The following GJA4 variants were observed in gnomAD, a reference collection of about 807,000 sequenced individuals.
The protein encoded by GJA4 is gap junction alpha-4 protein.
Under a neutral mutation model 25.1 loss-of-function variants are expected in GJA4, and 13 were observed. The observed-to-expected ratio is 0.52, with a 90% CI of 0.34 to 0.82. The LOEUF (loss-of-function observed/expected upper bound fraction) is 0.82. Among genes scored for constraint, GJA4 ranks in the 40% least tolerant of loss-of-function variants. GJA4 has a pLI of 0.02. For missense variants in GJA4, 357 were observed against 443.5 expected, an observed-to-expected ratio of 0.80 and a Z score of 1.75; for synonymous variants, 167 against 193.9, an observed-to-expected ratio of 0.86 and a Z score of 1.15.
chr1:34,794,626 C>T lies in GJA4; in HGVS notation c.413C>T (p.Ser138Leu), dbSNP rs1341828138. ...AAVERQMAKI[S>L]VAEDGRLRIR... is the part of the protein sequence containing the mutation. Reference sequence around the variant, plus strand: ...GTAGAGCGTCAGATGGCCAAGATCTCGGTGGCAGAAGATGGTCGCCTGCGC... The same window carrying T: ...GTAGAGCGTCAGATGGCCAAGATCTTGGTGGCAGAAGATGGTCGCCTGCGC... Residue 138 changes from serine to leucine, a missense_variant, in exon 2 of 2, where the codon TCG becomes TTG. Transcript: ENST00000342280. The surrounding 1 kb of genome is among the most constrained non-coding windows in gnomAD (Gnocchi z 7.8). The T allele has an allele frequency of 6.9e-6, 11 of 1,605,454 alleles. No individual in the cohort carries two copies. The African/African-American group carries it at 8.0e-5, about 12-fold the overall frequency.
rs148025626 is a variant in GJA4, at chr1:34,795,023, C to A, written c.810C>A (p.Gly270=). The A allele has an allele frequency of 7.4e-6, 12 of 1,612,830 alleles. No homozygotes were observed. In the South Asian group the frequency reaches 1.2e-4, roughly 16 times the overall value. ...AGGTCTTCTTCTACCTCCCCGTGGG[C>A]CAGGGGCCCTCATCCCCACCATGCC... is the stretch of plus-strand genomic sequence containing the variant. The part of the protein sequence containing the change: ...TDQVFFYLPV[G]QGPSSPPCPT... Residue 270 remains glycine, a synonymous_variant, in exon 2 of 2, where the codon GGC becomes GGA. Coordinates refer to ENST00000342280, the MANE Select transcript of GJA4 (RefSeq NM_002060.3).
Position 34,794,206 on chromosome 1 carries a change from CG to C in GJA4, c.-5del, listed in dbSNP as rs1557662617. ...CTCTGTCTCCTTGCAGACGGAGGCC[CG>C]GGAGCCATGGGTGACTGGGGCTTCC... On this transcript the variant is annotated 5_prime_UTR_variant, in exon 2 of 2. Coordinates refer to ENST00000342280, the MANE Select transcript of GJA4 (RefSeq NM_002060.3). This position sits in a 1 kb window ranked among gnomAD's most constrained non-coding sequence, Gnocchi z 7.8. The C allele has an allele frequency of 2.5e-6, 4 of 1,612,360 alleles. No individual in the cohort carries two copies. Among genetic ancestry groups the C allele is most frequent in the Non-Finnish European group, 3.4e-6 (4 of 1,178,960 alleles).
At chr1:34,793,678 C>T (rs1640224208) in intron 1 of GJA4, among the ~76,000 whole-genome samples, 1 of 152,138 alleles carries the variant, frequency 6.6e-6, no homozygotes, top group Admixed American at 6.5e-5. Context: ...GTGAAGCCAG[C>T]TGGGTAAGAT....
chr1:34,794,833 C>A lies in GJA4; in HGVS notation c.620C>A (p.Thr207Asn). The change falls in exon 2 of 2, where the codon ACC becomes AAC. Residue 207 changes from threonine (T) to asparagine (N), a missense_variant. By Grantham distance (65) the Thr-to-Asn change is moderately conservative (BLOSUM62 0). Around this residue, in one of 2 missense-constraint regions of GJA4, gnomAD observed 278 missense variants for 298.1 expected, o/e 0.93. Coordinates refer to ENST00000342280, the MANE Select transcript of GJA4 (RefSeq NM_002060.3). This position sits in a 1 kb window ranked among gnomAD's most constrained non-coding sequence, Gnocchi z 7.8. ...TTTGTCTCTCGCCCCACGGAGAAGA[C>A]CATCTTCATCATCTTCATGTTGGTG... Reference protein sequence around the residue: ...DCFVSRPTEKTIFIIFMLVVG... With the variant: ...DCFVSRPTEKNIFIIFMLVVG... 1 of 1,614,100 alleles carries A rather than the reference C, an allele frequency of 6.2e-7. No homozygotes were observed.
rs189790684 is a variant in GJA4 at position 34,795,361 on chromosome 1, G to A, written c.*146G>A. 1.6e-5 allele frequency: 10 copies of A among 618,628 alleles called. No individual in the cohort carries two copies. The highest frequency in any genetic ancestry group is 1.5e-4 in the African/African-American group (8 of 54,420). The allele number at this position is 618,628 out of a possible 1,614,324, so 38.3% of individuals were successfully genotyped here. On this transcript the variant is annotated 3_prime_UTR_variant, in exon 2 of 2. Coordinates refer to ENST00000342280, the MANE Select transcript of GJA4 (RefSeq NM_002060.3). ...TGGCCATGGAGCCTCATTGCAAGTT[G>A]TTCTTGAACACCTGAGGCCTTCCTG...
chr1:34,794,117 C>T lies in GJA4; in HGVS notation c.-17-80C>T. ...TTCTTTGTAGGTAGAACGGGCGTGGCAGACCTCCCTGCAGGCTTGTTGCTG... is the reference window on the plus strand; with the variant it reads ...TTCTTTGTAGGTAGAACGGGCGTGGTAGACCTCCCTGCAGGCTTGTTGCTG... On this transcript the variant is annotated intron_variant, in intron 1 of 1. Transcript: ENST00000342280. This position sits in a 1 kb window ranked among gnomAD's most constrained non-coding sequence, Gnocchi z 7.8. 8.7e-7 allele frequency: 1 copy of T among 1,150,340 alleles called. No homozygotes were observed. The highest frequency in any genetic ancestry group is 2.5e-4 in the Middle Eastern group (1 of 4,056). The allele number at this position is 1,150,340 out of a possible 1,614,324, so 71.3% of individuals were successfully genotyped here.
Position 34,794,672 on chromosome 1 carries a change from C to A in GJA4, c.459C>A (p.Gly153=). 6.2e-7 allele frequency: 1 copy of A among 1,610,680 alleles called. No individual in the cohort carries two copies. Among genetic ancestry groups the A allele is most frequent in the Non-Finnish European group, 8.5e-7 (1 of 1,179,980 alleles). The change falls in exon 2 of 2, where the codon GGC becomes GGA. Residue 153 remains glycine (G), a synonymous_variant. Coordinates refer to ENST00000342280, the MANE Select transcript of GJA4 (RefSeq NM_002060.3). This position sits in a 1 kb window ranked among gnomAD's most constrained non-coding sequence, Gnocchi z 7.8. ...TGCGCATCCGCGGAGCACTGATGGGCACCTATGTCGCCAGTGTGCTCTGCA... is the reference window on the plus strand; with the variant it reads ...TGCGCATCCGCGGAGCACTGATGGGAACCTATGTCGCCAGTGTGCTCTGCA... The part of the protein sequence containing the change: ...GRLRIRGALM[G]TYVASVLCKS...
In GJA4 at chr1:34,795,536, A is replaced by G. The variant is rs1449743960; in HGVS notation, c.*321A>G. 6.7e-6 allele frequency: 2 copies of G among 298,464 alleles called. No individual in the cohort carries two copies. Among genetic ancestry groups the G allele is most frequent in the Non-Finnish European group, 1.3e-5 (2 of 151,668 alleles). 18.5% of individuals were successfully genotyped at this position (298,464 alleles called of 1,614,324 possible). On this transcript the variant is annotated 3_prime_UTR_variant, in exon 2 of 2. Transcript: ENST00000342280. ...AGGAACCCAGAGCCAACTTACCCCA[A>G]CCTCACCCTATGGAACAGTCACCTG...
At position 34,794,385 on chromosome 1, in the gene GJA4, C is replaced by T; in HGVS notation, c.172C>T (p.Gln58Ter). 2 of 1,614,216 alleles carry T rather than the reference C, an allele frequency of 1.2e-6. No individual in the cohort carries two copies. The highest frequency in any genetic ancestry group is 2.2e-5 in the South Asian group (2 of 91,086). ...EQSDFECNTAQPGCTNVCYDQ... is the reference protein window; with the variant it reads ...EQSDFECNTA Reference sequence around the variant, plus strand: ...ATCAGATTTCGAGTGTAACACGGCCCAGCCAGGCTGCACCAACGTCTGCTA... The same window carrying T: ...ATCAGATTTCGAGTGTAACACGGCCTAGCCAGGCTGCACCAACGTCTGCTA... Residue 58 changes from glutamine to a stop codon, truncating the protein, a stop_gained, in exon 2 of 2, where the codon CAG becomes TAG. Coordinates refer to ENST00000342280, the MANE Select transcript of GJA4 (RefSeq NM_002060.3). LOFTEE classifies it high-confidence loss of function. The surrounding 1 kb of genome is among the most constrained non-coding windows in gnomAD (Gnocchi z 7.8).
In GJA4 at chr1:34,794,087, T is replaced by C; in HGVS notation, c.-17-110T>C. ...GGCCAGTCCTTCCCCTTCCTGAGCC[T>C]GGGTTTCTTTGTAGGTAGAACGGGC... On this transcript the variant is annotated intron_variant, in intron 1 of 1. Coordinates refer to ENST00000342280, the MANE Select transcript of GJA4 (RefSeq NM_002060.3). This position sits in a 1 kb window ranked among gnomAD's most constrained non-coding sequence, Gnocchi z 7.8. 1.2e-6 allele frequency: 1 copy of C among 852,020 alleles called. No homozygotes were observed. The highest frequency in any genetic ancestry group is 1.8e-6 in the Non-Finnish European group (1 of 553,582). The allele number at this position is 852,020 out of a possible 1,614,324, so 52.8% of individuals were successfully genotyped here. A position where few individuals can be genotyped will look rare whatever the true frequency, so the allele number is the denominator to read the frequency against.
Position 34,793,059 on chromosome 1 carries a change from C to A in GJA4, c.-27C>A. On this transcript the variant is annotated 5_prime_UTR_variant, in exon 1 of 2. Coordinates refer to ENST00000342280, the MANE Select transcript of GJA4 (RefSeq NM_002060.3). Reference sequence around the variant, plus strand: ...CCCCACCTCCACCTGGGCCGCCCGGCAGGCAGGCGGTGAGTCGGGGGCTAG... The same window carrying A: ...CCCCACCTCCACCTGGGCCGCCCGGAAGGCAGGCGGTGAGTCGGGGGCTAG... 1 of 338,604 alleles carries A rather than the reference C, an allele frequency of 3.0e-6. No homozygotes were observed. The allele number at this position is 338,604 out of a possible 1,614,324, so 21.0% of individuals were successfully genotyped here.
At chr1:34,793,779 G>C (rs1424956209) in intron 1 of GJA4, among the ~76,000 whole-genome samples, 3 of 152,180 alleles carry the variant, frequency 2.0e-5, no homozygotes, top group Non-Finnish European at 4.4e-5. Flanking sequence ...CACTGTCTGG[G>C]GGTAGCCAGC....
chr1:34,793,178 C>A (rs1640212331), intron 1 of GJA4, 110 bp downstream of exon 1: 1 of 252,676 alleles, frequency 4.0e-6, no homozygotes, highest in Middle Eastern at 1.5e-3. Context: ...ACGCCCGCCG[C>A]GACAGAGCCG....
rs769143037 is a variant in GJA4, at chr1:34,794,600, C to T, written c.387C>T (p.Ala129=). 8.1e-6 allele frequency: 13 copies of T among 1,605,840 alleles called. No individual in the cohort carries two copies. The highest frequency in any genetic ancestry group is 2.2e-5 in the South Asian group (2 of 91,050). The change falls in exon 2 of 2, where the codon GCC becomes GCT. Residue 129 remains alanine (A), a synonymous_variant. Coordinates refer to ENST00000342280, the MANE Select transcript of GJA4 (RefSeq NM_002060.3). This position sits in a 1 kb window ranked among gnomAD's most constrained non-coding sequence, Gnocchi z 7.8. ...CACAGGTGGAGCGGGCGCTGGCGGC[C>T]GTAGAGCGTCAGATGGCCAAGATCT... ...KDPQVERALA[A]VERQMAKISV... is the part of the protein sequence containing the mutation.
chr1:34,794,205 C>T lies in GJA4; in HGVS notation c.-9C>T. On this transcript the variant is annotated 5_prime_UTR_variant, in exon 2 of 2. Transcript: ENST00000342280. The surrounding 1 kb of genome is among the most constrained non-coding windows in gnomAD (Gnocchi z 7.8). ...GCTCTGTCTCCTTGCAGACGGAGGC[C>T]CGGGAGCCATGGGTGACTGGGGCTT... 6.2e-7 allele frequency: 1 copy of T among 1,612,422 alleles called. No individual in the cohort carries two copies. The highest frequency in any genetic ancestry group is 2.2e-5 in the East Asian group (1 of 44,866).
Position 34,794,330 on chromosome 1 carries a change from G to C in GJA4, c.117G>C (p.Leu39=). The C allele has an allele frequency of 6.2e-7, 1 of 1,614,208 alleles. No individual in the cohort carries two copies. The highest frequency in any genetic ancestry group is 8.5e-7 in the Non-Finnish European group (1 of 1,180,034). ...LFIFRILILG[L]AGESVWGDEQ... is the part of the protein sequence containing the mutation. ...TCTTCCGCATCCTCATCCTGGGCCT[G>C]GCCGGCGAGTCAGTGTGGGGTGACG... Residue 39 remains leucine (L), a synonymous_variant, in exon 2 of 2, where the codon CTG becomes CTC. Transcript: ENST00000342280. The surrounding 1 kb of genome is among the most constrained non-coding windows in gnomAD (Gnocchi z 7.8).
chr1:34,794,285 C>T lies in GJA4; in HGVS notation c.72C>T (p.Ile24=), dbSNP rs1267254038. 1.2e-6 allele frequency: 2 copies of T among 1,614,070 alleles called. No homozygotes were observed. Among genetic ancestry groups the T allele is most frequent in the African/African-American group, 2.7e-5 (2 of 74,936 alleles). The change falls in exon 2 of 2, where the codon ATC becomes ATT. Residue 24 remains isoleucine, a synonymous_variant. Transcript: ENST00000342280. This position sits in a 1 kb window ranked among gnomAD's most constrained non-coding sequence, Gnocchi z 7.8. The part of the protein sequence containing the change: ...VQEHSTVVGK[I]WLTVLFIFRI... ...AGCACTCGACCGTGGTGGGTAAGAT[C>T]TGGCTGACGGTGCTCTTCATCTTCC...
rs1169282943 is a variant in GJA4, at chr1:34,795,691, T to A, written c.*476T>A. ...CAAGGGGACTGGTGCCTTGTTTTCA[T>A]CACTCCTTCCTAGTTCTACTGTTCA... On this transcript the variant is annotated 3_prime_UTR_variant, in exon 2 of 2. Transcript: ENST00000342280. The A allele has an allele frequency of 5.7e-6, 1 of 175,250 alleles. No homozygotes were observed. The highest frequency in any genetic ancestry group is 1.4e-5 in the Non-Finnish European group (1 of 73,578). 10.9% of individuals were successfully genotyped at this position (175,250 alleles called of 1,614,324 possible).
chr1:34,794,932 T>A lies in GJA4; in HGVS notation c.719T>A (p.Met240Lys), dbSNP rs752998529. 6.2e-7 allele frequency: 1 copy of A among 1,614,102 alleles called. No individual in the cohort carries two copies. Among genetic ancestry groups the A allele is most frequent in the Non-Finnish European group, 8.5e-7 (1 of 1,180,004 alleles). ...CTGTGTCGCTGCCTCAGCCGGGGGA[T>A]GAGGGCACGGCAAGGCCAAGACGCA... ...HLLCRCLSRG[M>K]RARQGQDAPP... is the part of the protein sequence containing the mutation. The change falls in exon 2 of 2, where the codon ATG becomes AAG. Residue 240 changes from methionine to lysine, a missense_variant. Coordinates refer to ENST00000342280, the MANE Select transcript of GJA4 (RefSeq NM_002060.3). The surrounding 1 kb of genome is among the most constrained non-coding windows in gnomAD (Gnocchi z 7.8).
Sources: allele counts gnomAD v4.1 joint callset (sites outside exome capture counted in the v4.1 genomes callset), GRCh38; gene constraint gnomAD v4.1.1; regional missense constraint gnomAD v4.1.1; non-coding constraint Gnocchi (gnomAD v3.1); transcripts MANE v1.5; gene names NCBI Gene and HGNC (gene_info 2026-07-23, HGNC 2026-07-21).